GPC3: variants seen among roughly 807,000 people sequenced by gnomAD.
The protein encoded by GPC3 is glypican-3.
Under a neutral mutation model 34.4 loss-of-function variants are expected in GPC3, and 3 were observed. The observed-to-expected ratio is 0.09, with a 90% CI of 0.04 to 0.23. GPC3 has a LOEUF of 0.23. Ranked by LOEUF, GPC3 falls within the 10% of genes least tolerant of loss-of-function variation. The probability of loss-of-function intolerance (pLI) is 1.00; values close to 1 mark genes in which losing one functional copy is unlikely to be tolerated. For synonymous variants in GPC3, 177 were observed against 174.0 expected (o/e 1.02, Z -0.13); for missense variants, 351 against 445.6 (o/e 0.79, Z 1.91).
intron 6 of GPC3, among the ~76,000 whole-genome samples, chrX:133,628,195 G>A (rs2070327020): frequency 8.9e-6 from 1 of 112,158 alleles, no homozygotes; most frequent in Admixed American, 9.5e-5. Context: ...AAACCAATGA[G>A]GTTGTTTACT....
intron 1 of GPC3, among the ~76,000 whole-genome samples, chrX:133,982,770 A>G (rs1337394919): frequency 1.8e-5 from 2 of 112,070 alleles, no homozygotes; most frequent in Non-Finnish European, 3.8e-5. Flanking sequence ...CAAACTGAAC[A>G]TGGCTTAAAA....
chrX:133,588,099 G>A (rs922068556), intron 7 of GPC3, among the ~76,000 whole-genome samples: 1 of 111,608 alleles, frequency 9.0e-6, no homozygotes, highest in Admixed American at 9.5e-5. Flanking sequence ...CCCAAGAAAT[G>A]AGTTTGGAGG....
chrX:133,951,178 C>A (rs2076391902), intron 2 of GPC3, among the ~76,000 whole-genome samples: 1 of 108,672 alleles, frequency 9.2e-6, no homozygotes, highest in Non-Finnish European at 1.9e-5. Context: ...GTTCACATGA[C>A]TAGTATTCAG....
intron 1 of GPC3, among the ~76,000 whole-genome samples, chrX:133,979,192 T>C (rs2076528312): frequency 8.9e-6 from 1 of 111,872 alleles, no homozygotes; most frequent in African/African-American, 3.2e-5. Context: ...CATAAGCCTA[T>C]TAAGTACGCT....
At chrX:133,761,812 C>T (rs2071794340) in intron 2 of GPC3, among the ~76,000 whole-genome samples, 1 of 111,624 alleles carries the variant, frequency 9.0e-6, no homozygotes, top group Non-Finnish European at 1.9e-5. Context: ...TTATTTTAAC[C>T]TTCTGGACAC....
rs752980561 is a variant in GPC3 at position 133,774,796 on chromosome X, T to C, written c.338-20620A>G. 9.0e-5 allele frequency among the ~76,000 whole-genome samples: 10 copies of C among 111,441 alleles called. No individual in the cohort carries two copies. In the South Asian group the frequency reaches 3.8e-3, roughly 43 times the overall value. On this transcript the variant is annotated intron_variant, in intron 2 of 7. Transcript: ENST00000370818. ...CCAGGGTCATGAAGCTGGGGAGTGG[T>C]GGGCATGAGATATGAACTCTAATCA...
intron 2 of GPC3, among the ~76,000 whole-genome samples, chrX:133,841,784 G>A (rs1019126128): frequency 1.8e-5 from 2 of 111,673 alleles, no homozygotes; most frequent in East Asian, 2.8e-4. Context: ...AGGCAGATCC[G>A]TCTTTAATCT....
At chrX:133,915,124 G>A (rs1409876001) in intron 2 of GPC3, among the ~76,000 whole-genome samples, 1 of 108,341 alleles carries the variant, frequency 9.2e-6, no homozygotes, top group African/African-American at 3.4e-5. Flanking sequence ...GATGTACCAT[G>A]ATTGATTAAC....
chrX:133,786,521 G>A (rs73564978), intron 2 of GPC3, among the ~76,000 whole-genome samples: 6,283 of 112,657 alleles, frequency 0.056, 455 homozygotes, highest in African/African-American at 0.19. Context: ...CCACAAGTGT[G>A]TATTAGACGC....
chrX:133,843,237 C>T (rs1162729558), intron 2 of GPC3, among the ~76,000 whole-genome samples: 2 of 111,352 alleles, frequency 1.8e-5, no homozygotes, highest in Non-Finnish European at 3.8e-5. Context: ...ATTCTATTCC[C>T]AATGTTGGAG....
rs374538458 is a variant in GPC3 at position 133,790,041 on chromosome X, G to A, written c.338-35865C>T. 4.1e-3 allele frequency among the ~76,000 whole-genome samples: 456 copies of A among 111,874 alleles called. 2 individuals carry two copies. The highest frequency in any genetic ancestry group is 0.014 in the African/African-American group (427 of 30,766). On this transcript the variant is annotated intron_variant, in intron 2 of 7. Transcript: ENST00000370818. ...CCTCCCCAGCCAAAGCTGGGAGAAG[G>A]CTAGGGTAATCAGTGCACAATTAGT...
At chrX:133,666,980 C>T (rs1390208664) in intron 5 of GPC3, among the ~76,000 whole-genome samples, 1 of 111,728 alleles carries the variant, frequency 9.0e-6, no homozygotes, top group East Asian at 2.8e-4. Flanking sequence ...TTTACCATGA[C>T]CATTTTTAAT....
chrX:133,678,497 T>G (rs1447596479), intron 5 of GPC3, among the ~76,000 whole-genome samples: 1 of 111,738 alleles, frequency 8.9e-6, no homozygotes, highest in Non-Finnish European at 1.9e-5. Flanking sequence ...GTAAGAGTCA[T>G]AGGTACCAAT....
At chrX:133,627,404 A>G (rs2070316413) in intron 6 of GPC3, among the ~76,000 whole-genome samples, 1 of 112,029 alleles carries the variant, frequency 8.9e-6, no homozygotes, top group African/African-American at 3.2e-5. Context: ...AAATATTGAA[A>G]GTTTATAGTT....
chrX:133,762,960 G>A, intron 2 of GPC3: 1 of 622,430 alleles, frequency 1.6e-6, no homozygotes, highest in Non-Finnish European at 2.7e-6. Flanking sequence ...AGAGGACCTG[G>A]GAGAATCTTC....
At chrX:133,595,804 C>T (rs1017352173) in intron 7 of GPC3, among the ~76,000 whole-genome samples, 7 of 111,566 alleles carry the variant, frequency 6.3e-5, no homozygotes, top group Non-Finnish European at 9.4e-5. Flanking sequence ...CATGAACAAC[C>T]GTGCCCTACC....
intron 6 of GPC3, among the ~76,000 whole-genome samples, chrX:133,613,791 T>C (rs1397470448): frequency 8.9e-6 from 1 of 112,025 alleles, no homozygotes; most frequent in Non-Finnish European, 1.9e-5. Flanking sequence ...ATTGGACTTA[T>C]TAGACAAAAA....
chrX:133,963,142 T>C (rs1477270033), intron 1 of GPC3, among the ~76,000 whole-genome samples: 1 of 112,491 alleles, frequency 8.9e-6, no homozygotes, highest in African/African-American at 3.2e-5. Flanking sequence ...AATACGGATA[T>C]GGGGCTAAGG....
At chrX:133,690,679 T>C (rs1036813486) in intron 5 of GPC3, among the ~76,000 whole-genome samples, 1 of 111,323 alleles carries the variant, frequency 9.0e-6, no homozygotes, top group African/African-American at 3.3e-5. Flanking sequence ...AAAACATAAA[T>C]GTTGAAGGTA....
Sources: allele counts gnomAD v4.1 joint callset (sites outside exome capture counted in the v4.1 genomes callset), GRCh38; gene constraint gnomAD v4.1.1; transcripts MANE v1.5; gene names NCBI Gene and HGNC (gene_info 2026-07-23, HGNC 2026-07-21).